The following CHD9 variants were observed in gnomAD, a reference collection of about 807,000 sequenced individuals.
CHD9 encodes ATP-dependent chromatin remodeler CHD9.
A neutral mutation model predicts 316.1 loss-of-function variants in CHD9; 77 were observed. The observed-to-expected ratio is 0.24, with a 90% CI of 0.20 to 0.29. The LOEUF is 0.29. Ranked by LOEUF, CHD9 falls within the 10% of genes least tolerant of loss-of-function variation. CHD9 has a pLI of 1.00. For synonymous variants in CHD9, 1,129 were observed against 1,158.3 expected, an observed-to-expected ratio of 0.97 and a Z score of 0.51; for missense variants, 2,763 against 3,438.1, an observed-to-expected ratio of 0.80 and a Z score of 4.91.
At chr16:53,132,338 G>T (rs2039389333) in intron 1 of CHD9, among the ~76,000 whole-genome samples, 1 of 152,036 alleles carries the variant, frequency 6.6e-6, no homozygotes, top group South Asian at 2.1e-4. Context: ...TCAGAATTTA[G>T]TTTCTCAATT....
chr16:53,107,083 C>T (rs1236801551), intron 1 of CHD9, among the ~76,000 whole-genome samples: 1 of 152,170 alleles, frequency 6.6e-6, no homozygotes, highest in Non-Finnish European at 1.5e-5. Flanking sequence ...TATTTTGCAT[C>T]TGTTTATTGA....
At chr16:53,288,204 C>G (rs2054042671) in intron 27 of CHD9, among the ~76,000 whole-genome samples, 190 bp downstream of exon 27, 1 of 152,204 alleles carries the variant, frequency 6.6e-6, no homozygotes, top group Admixed American at 6.5e-5. Flanking sequence ...CCTGATCTCC[C>G]CTTTTAGACA....
At chr16:53,217,610 T>G (rs1394041284) in intron 3 of CHD9, among the ~76,000 whole-genome samples, 1 of 152,192 alleles carries the variant, frequency 6.6e-6, no homozygotes, top group African/African-American at 2.4e-5. Flanking sequence ...TAGGCACTGC[T>G]GATCTGACAC....
chr16:53,318,279 A>T lies in CHD9; in HGVS notation c.7652A>T (p.Asp2551Val). The T allele has an allele frequency of 6.2e-7, 1 of 1,612,912 alleles. No individual in the cohort carries two copies. The highest frequency in any genetic ancestry group is 8.5e-7 in the Non-Finnish European group (1 of 1,179,168). Residue 2551 changes from aspartate (D) to valine (V), a missense_variant, in exon 37 of 39, where the codon GAT becomes GTT. Asp to Val is a radical substitution (Grantham distance 152). This residue lies in a region of CHD9 where 19 missense variants were observed against 44.5 expected (regional missense o/e 0.43). Transcript: ENST00000447540. ...RHRCRNPNKL[D>V]VNSLTGEERV... ...CGTTGCAGAAACCCCAATAAACTAGATGTGAATAGTCTCACTGGAGAAGAA... is the reference window on the plus strand; with the variant it reads ...CGTTGCAGAAACCCCAATAAACTAGTTGTGAATAGTCTCACTGGAGAAGAA...
intron 24 of CHD9, among the ~76,000 whole-genome samples, chr16:53,280,691 A>G (rs192934837): frequency 1.3e-5 from 2 of 152,124 alleles, no homozygotes; most frequent in Non-Finnish European, 2.9e-5. Flanking sequence ...TAAAAAAAAA[A>G]AAAGAAATTT....
chr16:53,296,688 G>C (rs11860234), intron 29 of CHD9, among the ~76,000 whole-genome samples: 1 of 151,654 alleles, frequency 6.6e-6, no homozygotes, highest in Non-Finnish European at 1.5e-5. Context: ...CTTGCGATCC[G>C]CCCGCCTCGG....
chr16:53,159,489 A>G (rs180866974), intron 2 of CHD9, among the ~76,000 whole-genome samples: 21 of 152,330 alleles, frequency 1.4e-4, no homozygotes, highest in African/African-American at 4.8e-4. Context: ...TTCTGTGGAC[A>G]ATGAAATATA....
At chr16:53,275,580 C>T (rs1269780380) in intron 24 of CHD9, among the ~76,000 whole-genome samples, 1 of 152,108 alleles carries the variant, frequency 6.6e-6, no homozygotes, top group East Asian at 1.9e-4. Context: ...TTCATCTTGC[C>T]TCTTAATACT....
intron 31 of CHD9, among the ~76,000 whole-genome samples, chr16:53,305,352 C>T (rs1361824935): frequency 6.6e-6 from 1 of 152,234 alleles, no homozygotes; most frequent in Admixed American, 6.5e-5. Context: ...TAAGCCACCA[C>T]ACCTGGCCTG....
chr16:53,199,506 G>T (rs989594886), intron 2 of CHD9, among the ~76,000 whole-genome samples: 1 of 152,096 alleles, frequency 6.6e-6, no homozygotes. Flanking sequence ...TAGATACATA[G>T]ATATTTGAAT....
intron 36 of CHD9, among the ~76,000 whole-genome samples, chr16:53,317,088 C>G (rs775520981): frequency 2.0e-5 from 3 of 146,414 alleles, no homozygotes; most frequent in Non-Finnish European, 3.0e-5. Context: ...CCCAGCTACT[C>G]GAGAGGCTGA....
At chr16:53,229,163 C>A (rs1298101410) in intron 8 of CHD9, 63 bp downstream of exon 8, 1 of 733,262 alleles carries the variant, frequency 1.4e-6, no homozygotes, top group Non-Finnish European at 2.2e-6. Flanking sequence ...CATTATTTAT[C>A]AAAAATTACA....
chr16:53,171,861 GAC>G (rs750572537), intron 2 of CHD9, among the ~76,000 whole-genome samples: 4,219 of 124,782 alleles, frequency 0.034, 81 homozygotes, highest in East Asian at 0.067. Context: ...CACACACACA[GAC>G]ACACACACAC....
intron 2 of CHD9, among the ~76,000 whole-genome samples, chr16:53,188,350 A>G (rs1445061621): frequency 6.6e-6 from 1 of 152,066 alleles, no homozygotes; most frequent in African/African-American, 2.4e-5. Flanking sequence ...GAATTGCTGG[A>G]TTATATAATT....
chr16:53,162,246 T>C (rs2041965347), intron 2 of CHD9, among the ~76,000 whole-genome samples: 1 of 151,996 alleles, frequency 6.6e-6, no homozygotes, highest in Non-Finnish European at 1.5e-5. Context: ...AGATGAAGAA[T>C]AGTAGGGTTG....
At chr16:53,164,322 C>G (rs1415671311) in intron 2 of CHD9, among the ~76,000 whole-genome samples, 7 of 152,130 alleles carry the variant, frequency 4.6e-5, no homozygotes, top group South Asian at 2.1e-4. Flanking sequence ...ATCTGTAATC[C>G]CAGCACTTTG....
intron 3 of CHD9, among the ~76,000 whole-genome samples, 196 bp downstream of exon 3, chr16:53,210,009 A>C (rs577949482): frequency 6.6e-6 from 1 of 152,158 alleles, no homozygotes; most frequent in Non-Finnish European, 1.5e-5. Flanking sequence ...TGGTTCTATG[A>C]ATGTAGAATG....
chr16:53,085,494 C>T (rs1012699966), intron 1 of CHD9, among the ~76,000 whole-genome samples: 1 of 152,080 alleles, frequency 6.6e-6, no homozygotes, highest in Admixed American at 6.6e-5. Flanking sequence ...CTCCCTGCCC[C>T]CATTGATGCT....
chr16:53,264,341 T>C (rs565662682), intron 20 of CHD9, among the ~76,000 whole-genome samples: 2 of 152,204 alleles, frequency 1.3e-5, no homozygotes, highest in East Asian at 3.9e-4. Context: ...GTGATACTCA[T>C]TGCAGCATTT....
Sources: gnomAD v4.1 joint callset for allele counts (sites outside exome capture counted in the v4.1 genomes callset) on GRCh38, gnomAD v4.1.1 for gene constraint, gnomAD v4.1.1 regional missense constraint, MANE v1.5 for transcripts, NCBI Gene and HGNC (gene_info 2026-07-23, HGNC 2026-07-21) for gene names.